Variants in NUTM2G observed in about 807,000 individuals in gnomAD.
The protein encoded by NUTM2G is NUT family member 2G, also known as family with sequence similarity 22, member G.
Under a neutral mutation model 44.3 loss-of-function variants are expected in NUTM2G, and 29 were observed. That is an observed-to-expected ratio of 0.66 (90% CI 0.49 to 0.89). The LOEUF (loss-of-function observed/expected upper bound fraction) is 0.89. Ranked by LOEUF, NUTM2G falls within the 40% of genes least tolerant of loss-of-function variation. The probability of loss-of-function intolerance (pLI) is 0.00; values close to 1 mark genes in which losing one functional copy is unlikely to be tolerated. For missense variants in NUTM2G, 502 were observed against 946.5 expected, an observed-to-expected ratio of 0.53 and a Z score of 6.16; for synonymous variants, 205 against 395.9, an observed-to-expected ratio of 0.52 and a Z score of 5.72.
At chr9:96,934,869 C>T (rs1225327632) in intron 2 of NUTM2G, among the ~76,000 whole-genome samples, 1 of 151,980 alleles carries the variant, frequency 6.6e-6, no homozygotes, top group African/African-American at 2.4e-5. Context: ...GGGCCCTCTT[C>T]CTGGCTGGAG....
chr9:96,934,288 G>A lies in NUTM2G; in HGVS notation c.714-1040G>A, dbSNP rs1826360515. 2.0e-5 allele frequency among the ~76,000 whole-genome samples: 3 copies of A among 152,232 alleles called. No individual in the cohort carries two copies. The South Asian group carries it at 6.2e-4, about 31-fold the overall frequency. On this transcript the variant is annotated intron_variant, in intron 2 of 6. Transcript: ENST00000372322. ...CCCGCTGATGAGCAAACAGGAGCTT[G>A]AGCATATCCACCGTGCAACACACTG...
intron 2 of NUTM2G, chr9:96,933,987 G>A (rs953366286): frequency 6.6e-6 from 1 of 152,118 alleles, no homozygotes; most frequent in South Asian, 2.1e-4. Flanking sequence ...TATGACATAC[G>A]TAGCACAGTG....
chr9:96,937,341 C>T lies in NUTM2G; in HGVS notation c.1260C>T (p.Thr420=), dbSNP rs756726972. The T allele has an allele frequency of 1.1e-5, 17 of 1,613,826 alleles. No homozygotes were observed. The East Asian group carries it at 3.6e-4, about 34-fold the overall frequency. ...VEQPQEEDGM[T]SDPGLLSYID... ...AGCCGCAGGAAGAGGACGGGATGAC[C>T]TCAGACCCGGGCCTCCTGAGCTACA... The change falls in exon 5 of 7, where the codon ACC becomes ACT. Residue 420 remains threonine, a synonymous_variant. Coordinates refer to ENST00000372322, the MANE Select transcript of NUTM2G (RefSeq NM_001170741.3).
downstream of NUTM2G, chr9:96,942,569 T>G (rs1307860672): frequency 8.8e-6 from 1 of 113,814 alleles, no homozygotes; most frequent in Non-Finnish European, 1.7e-5. Flanking sequence ...GAGCTCATTT[T>G]AGGCAAATGT....
At chr9:96,940,659 T>C (rs1394217842), downstream of NUTM2G, among the ~76,000 whole-genome samples, 1 of 152,142 alleles carries the variant, frequency 6.6e-6, no homozygotes, top group East Asian at 1.9e-4. Flanking sequence ...ACTGCCTGCA[T>C]GCAGAGCTGT....
In NUTM2G at chr9:96,931,851, C is replaced by T; in HGVS notation, c.146C>T (p.Pro49Leu). 6.2e-7 allele frequency: 1 copy of T among 1,612,448 alleles called. No homozygotes were observed. Among genetic ancestry groups the T allele is most frequent in the Non-Finnish European group, 8.5e-7 (1 of 1,179,854 alleles). ...HRPPLVTAVV[P>L]PAGPLVLSAF... ...CCGCCCCTCGTGACTGCAGTGGTTC[C>T]TCCAGCCGGCCCTCTGGTGCTCTCT... is the stretch of plus-strand genomic sequence containing the variant. The change falls in exon 2 of 7, where the codon CCT becomes CTT. Residue 49 changes from proline (P) to leucine (L), a missense_variant. Physicochemically the swap from Pro to Leu is moderately conservative, Grantham distance 98 (BLOSUM62 -3). Transcript: ENST00000372322.
chr9:96,935,328 C>T lies in NUTM2G; in HGVS notation c.714C>T (p.Ile238=), dbSNP rs775339301. 1.9e-6 allele frequency: 3 copies of T among 1,611,846 alleles called. No homozygotes were observed. The African/African-American group carries it at 4.0e-5, about 22-fold the overall frequency. The change falls in exon 3 of 7, where the codon ATC becomes ATT. Residue 238 remains isoleucine (I), a splice_region_variant and synonymous_variant. Transcript: ENST00000372322. ...PDTEALSCFL[I]PVLRSLARRK... ...TGGGACTGACTGCACTGGTTTACAG[C>T]CCAGTTCTCCGATCCCTGGCCCGGC... is the stretch of plus-strand genomic sequence containing the variant.
chr9:96,934,342 G>A (rs1289468109), intron 2 of NUTM2G, among the ~76,000 whole-genome samples: 1 of 152,186 alleles, frequency 6.6e-6, no homozygotes, highest in Non-Finnish European at 1.5e-5. Flanking sequence ...TCCCCTGCCT[G>A]GGGTGTAGGT....
chr9:96,932,631 C>T (rs905984541), intron 2 of NUTM2G, among the ~76,000 whole-genome samples: 4 of 151,784 alleles, frequency 2.6e-5, no homozygotes, highest in African/African-American at 7.3e-5. Flanking sequence ...GTCACTGTCC[C>T]GTGAGTCCAG....
At chr9:96,940,370 C>T (rs1439056267), downstream of NUTM2G, 2 of 149,658 alleles carry the variant, frequency 1.3e-5, no homozygotes, top group Non-Finnish European at 2.9e-5. Flanking sequence ...AGGACTGCAT[C>T]AGGAGAGGGA....
At chr9:96,942,746 G>T (rs1588208955), downstream of NUTM2G, 1 of 150,234 alleles carries the variant, frequency 6.7e-6, no homozygotes, top group Admixed American at 6.7e-5. Flanking sequence ...TACGGTATTT[G>T]CATAAACTGT....
Sources: gnomAD v4.1 joint callset for allele counts (sites outside exome capture counted in the v4.1 genomes callset) on GRCh38, gnomAD v4.1.1 for gene constraint, MANE v1.5 for transcripts, NCBI Gene and HGNC (gene_info 2026-07-23, HGNC 2026-07-21) for gene names.